Variants in RAB31 observed in about 807,000 individuals in gnomAD.
RAB31 encodes RAB31, member RAS oncogene family.
A neutral mutation model predicts 25.6 loss-of-function variants in RAB31; 21 were observed. The ratio of observed to expected loss-of-function variants is 0.82; its 90% CI spans 0.58 to 1.18. The LOEUF (loss-of-function observed/expected upper bound fraction) is 1.18. RAB31 is among the 50% of genes most tolerant of loss of function. The pLI is 0.00. For synonymous variants in RAB31, 87 were observed against 84.0 expected, an observed-to-expected ratio of 1.04 and a Z score of -0.20; for missense variants, 196 against 250.1, an observed-to-expected ratio of 0.78 and a Z score of 1.46.
At chr18:9,747,430 C>T (rs1169407754) in intron 1 of RAB31, among the ~76,000 whole-genome samples, 5 of 152,154 alleles carry the variant, frequency 3.3e-5, no homozygotes, top group African/African-American at 1.2e-4. Flanking sequence ...AATACTTGTA[C>T]ATTCATAATA....
At position 9,784,938 on chromosome 18, in the gene RAB31, A is replaced by G. The variant is rs117104245; in HGVS notation, c.120-7216A>G. On this transcript the variant is annotated intron_variant, in intron 2 of 6. Coordinates refer to ENST00000578921, the MANE Select transcript of RAB31 (RefSeq NM_006868.4). ...TTGAGGAAAAGCAAAATTTAGATAG[A>G]GTATGATCAATTTTCAGAGCAAAAG... Among the ~76,000 whole-genome samples, 99 of 152,310 alleles carry G rather than the reference A, an allele frequency of 6.5e-4. 2 individuals are homozygous for G. In the East Asian group the frequency reaches 0.017, roughly 26 times the overall value.
intron 2 of RAB31, among the ~76,000 whole-genome samples, chr18:9,776,255 G>A (rs897065454): frequency 6.6e-6 from 1 of 152,186 alleles, no homozygotes; most frequent in African/African-American, 2.4e-5. Flanking sequence ...TGCTGTTCGG[G>A]AAGTGCCTGC....
intron 6 of RAB31, chr18:9,849,806 G>C (rs1225530267): frequency 6.6e-6 from 1 of 152,436 alleles, no homozygotes; most frequent in South Asian, 2.1e-4. Flanking sequence ...CCCAAGGCAG[G>C]AAATGTCGTG....
intron 5 of RAB31, among the ~76,000 whole-genome samples, chr18:9,821,547 C>T (rs1431609990): frequency 6.6e-6 from 1 of 151,982 alleles, no homozygotes; most frequent in East Asian, 1.9e-4. Context: ...ATTATCTACA[C>T]AGAAAAGCCC....
intron 1 of RAB31, among the ~76,000 whole-genome samples, chr18:9,745,982 T>A (rs1433464213): frequency 6.6e-6 from 1 of 152,186 alleles, no homozygotes; most frequent in Admixed American, 6.5e-5. Context: ...AGTAAAACTA[T>A]CTCTGTTGCA....
chr18:9,759,421 T>G (rs1599027203), intron 1 of RAB31, among the ~76,000 whole-genome samples: 1 of 152,048 alleles, frequency 6.6e-6, no homozygotes, highest in East Asian at 1.9e-4. Flanking sequence ...ACCTCCCACC[T>G]CAGCCTCCCG....
At chr18:9,785,310 G>C (rs540180831) in intron 2 of RAB31, 284 of 153,328 alleles carry the variant, frequency 1.9e-3, no homozygotes, top group Non-Finnish European at 2.8e-3. Flanking sequence ...CCACTGGACA[G>C]TGGAGAGTCA....
chr18:9,802,454 A>G (rs2068518818), intron 3 of RAB31, among the ~76,000 whole-genome samples: 1 of 152,210 alleles, frequency 6.6e-6, no homozygotes, highest in African/African-American at 2.4e-5. Flanking sequence ...GTGGAAGGAT[A>G]GCTTGAGCCC....
rs1023830304 is a variant in RAB31, at chr18:9,734,462, G to T, written c.39+26018G>T. ...ACGAGGAGAACATGGGCAAAACCTT[G>T]CGAGTTTAAGTTGTGAGTGAGCTAA... On this transcript the variant is annotated intron_variant, in intron 1 of 6. Coordinates refer to ENST00000578921, the MANE Select transcript of RAB31 (RefSeq NM_006868.4). Among the ~76,000 whole-genome samples the T allele has an allele frequency of 6.3e-4, 96 of 152,166 alleles. 2 individuals are homozygous for T. Among genetic ancestry groups the T allele is most frequent in the Non-Finnish European group, 1.2e-3 (83 of 68,038 alleles).
intron 5 of RAB31, among the ~76,000 whole-genome samples, chr18:9,835,838 A>G (rs1371723206): frequency 1.3e-5 from 2 of 152,190 alleles, no homozygotes; most frequent in African/African-American, 4.8e-5. Flanking sequence ...TATTGTTAAA[A>G]TGGTTGCCTC....
In RAB31 at chr18:9,708,579, T is replaced by G; in HGVS notation, c.39+135T>G. 1.3e-6 allele frequency: 1 copy of G among 758,492 alleles called. No individual in the cohort carries two copies. The highest frequency in any genetic ancestry group is 1.9e-6 in the Non-Finnish European group (1 of 525,190). The allele number at this position is 758,492 out of a possible 1,614,324, so 47.0% of individuals were successfully genotyped here. ...CCTCTCGTAGCCCCCGTCCCCCTCG[T>G]CCGCGCGCCCCCTGGTTCCCCGGGT... On this transcript the variant is annotated intron_variant, in intron 1 of 6. Coordinates refer to ENST00000578921, the MANE Select transcript of RAB31 (RefSeq NM_006868.4). The surrounding 1 kb of genome is among the most constrained non-coding windows in gnomAD (Gnocchi z 6.4).
At chr18:9,820,182 T>C (rs746143204) in intron 5 of RAB31, among the ~76,000 whole-genome samples, 2 of 152,142 alleles carry the variant, frequency 1.3e-5, no homozygotes, top group Non-Finnish European at 2.9e-5. Flanking sequence ...TAACTGGTTT[T>C]ACATATATGT....
chr18:9,749,366 C>T (rs1369917292), intron 1 of RAB31, among the ~76,000 whole-genome samples: 23 of 44,916 alleles, frequency 5.1e-4, no homozygotes, highest in African/African-American at 1.7e-3. Flanking sequence ...ACAGAGGGAG[C>T]GGAGGGAACG....
At chr18:9,783,542 A>T (rs1346285656) in intron 2 of RAB31, among the ~76,000 whole-genome samples, 1 of 149,358 alleles carries the variant, frequency 6.7e-6, no homozygotes, top group Non-Finnish European at 1.5e-5. Context: ...ATAAATGAAA[A>T]TCTGACTAAC....
intron 6 of RAB31, among the ~76,000 whole-genome samples, chr18:9,854,308 C>T (rs1252168045): frequency 1.3e-5 from 2 of 152,094 alleles, no homozygotes; most frequent in Non-Finnish European, 2.9e-5. Context: ...TAAGTCTCTC[C>T]TTGTTGGACA....
At chr18:9,720,934 G>A in intron 1 of RAB31, among the ~76,000 whole-genome samples, 1 of 152,162 alleles carries the variant, frequency 6.6e-6, no homozygotes, top group Non-Finnish European at 1.5e-5. Flanking sequence ...ACAGGATGCA[G>A]ATTTGGCTTA....
At chr18:9,712,373 G>A (rs2068021866) in intron 1 of RAB31, among the ~76,000 whole-genome samples, 1 of 152,216 alleles carries the variant, frequency 6.6e-6, no homozygotes, top group Non-Finnish European at 1.5e-5. Context: ...AGTCACCTGT[G>A]GAAGTCAGCC....
chr18:9,716,728 C>T (rs1012046546), intron 1 of RAB31, among the ~76,000 whole-genome samples: 6 of 151,968 alleles, frequency 3.9e-5, no homozygotes, highest in African/African-American at 1.5e-4. Context: ...ACTTTGTCAG[C>T]AGAAATGAGG....
In RAB31 at chr18:9,719,330, A is replaced by ATATATATATAT. The variant is rs1568161334; in HGVS notation, c.39+10886_39+10887insTATATATATAT. Among the ~76,000 whole-genome samples the ATATATATATAT allele has an allele frequency of 1.5e-3, 49 of 33,722 alleles. 2 individuals carry two copies. The highest frequency in any genetic ancestry group is 2.1e-3 in the South Asian group (2 of 946). 22.1% of individuals were successfully genotyped at this position (33,722 alleles called of 152,430 possible). A position where few individuals can be genotyped will look rare whatever the true frequency, so the allele number is the denominator to read the frequency against. ...ATATATATATATATATATATATATA[A>ATATATATATAT]ATAAATAAATTTGATCTAATTATGA... is the stretch of plus-strand genomic sequence containing the variant. On this transcript the variant is annotated intron_variant, in intron 1 of 6. Coordinates refer to ENST00000578921, the MANE Select transcript of RAB31 (RefSeq NM_006868.4).
Sources: gnomAD v4.1 joint callset for allele counts (sites outside exome capture counted in the v4.1 genomes callset) on GRCh38, gnomAD v4.1.1 for gene constraint, Gnocchi (gnomAD v3.1) non-coding constraint, MANE v1.5 for transcripts, NCBI Gene and HGNC (gene_info 2026-07-23, HGNC 2026-07-21) for gene names.